BFAR: variants seen among roughly 807,000 people sequenced by gnomAD.
The protein encoded by BFAR is RING finger protein 47.
BFAR carries 52 observed loss-of-function variants against 54.4 expected under a neutral mutation model. The observed-to-expected ratio is 0.96, with a 90% confidence interval of 0.77 to 1.21. BFAR has a LOEUF of 1.21. Among genes scored for constraint, BFAR ranks in the 50% most tolerant of loss-of-function variants. BFAR has a pLI of 0.00. For missense variants in BFAR, 571 were observed against 534.0 expected (o/e 1.07, Z -0.68); for synonymous variants, 215 against 204.3 (o/e 1.05, Z -0.45).
At chr16:14,648,286 T>C in intron 2 of BFAR, 102 bp from the exon 3 acceptor site, 1 of 848,952 alleles carries the variant, frequency 1.2e-6, no homozygotes, top group Non-Finnish European at 1.9e-6. Context: ...TCTCCTAGGG[T>C]AGCTATATAT....
chr16:14,661,019 C>G (rs1040188802), intron 5 of BFAR, among the ~76,000 whole-genome samples: 3 of 152,168 alleles, frequency 2.0e-5, no homozygotes, highest in African/African-American at 7.2e-5. Context: ...CGTGAGCCAC[C>G]ACGCTTACCC....
chr16:14,646,476 C>G (rs1959799460), intron 2 of BFAR, among the ~76,000 whole-genome samples: 1 of 151,928 alleles, frequency 6.6e-6, no homozygotes, highest in African/African-American at 2.4e-5. Context: ...GCGTGAGCCA[C>G]TGTGCCTGGC....
At chr16:14,666,886 G>A (rs1960456399) in intron 7 of BFAR, among the ~76,000 whole-genome samples, 1 of 152,102 alleles carries the variant, frequency 6.6e-6, no homozygotes, top group South Asian at 2.1e-4. Flanking sequence ...ATAGTGTGAG[G>A]CCCTACAGCC....
chr16:14,637,233 G>C (rs1959476434), intron 1 of BFAR, among the ~76,000 whole-genome samples: 1 of 151,830 alleles, frequency 6.6e-6, no homozygotes, highest in Non-Finnish European at 1.5e-5. Flanking sequence ...TCTCAGCTGT[G>C]CAGTAGCATC....
At chr16:14,644,119 C>A (rs544719197) in intron 1 of BFAR, among the ~76,000 whole-genome samples, 155 bp from the exon 2 acceptor site, 1 of 149,690 alleles carries the variant, frequency 6.7e-6, no homozygotes, top group Non-Finnish European at 1.5e-5. Flanking sequence ...GCTGAGATCA[C>A]GCCACTGCAC....
chr16:14,654,920 T>C, intron 4 of BFAR, 146 bp from the exon 5 acceptor site: 2 of 811,208 alleles, frequency 2.5e-6, no homozygotes, highest in South Asian at 2.9e-5. Context: ...CATTCAATTA[T>C]TTGCTGCTCT....
At chr16:14,654,087 C>G (rs1960052138) in intron 4 of BFAR, among the ~76,000 whole-genome samples, 1 of 147,722 alleles carries the variant, frequency 6.8e-6, no homozygotes, top group Non-Finnish European at 1.5e-5. Flanking sequence ...TCTCGGCTCA[C>G]TGCAAGCTCC....
chr16:14,644,446 T>G lies in BFAR; in HGVS notation c.100T>G (p.Cys34Gly). The change falls in exon 2 of 8, where the codon TGC (cysteine) becomes GGC (glycine). Residue 34 changes from cysteine (C) to glycine (G), a missense_variant. Cys to Gly is a radical substitution (Grantham distance 159). Coordinates refer to ENST00000261658, the MANE Select transcript of BFAR (RefSeq NM_016561.3). ...GPQISVSEFS[C>G]HCCYDILVNP... ...TCAGATTTCTGTTAGTGAATTTTCT[T>G]GCCACTGCTGCTACGACATCCTGGT... 6.2e-7 allele frequency: 1 copy of G among 1,614,066 alleles called. No individual in the cohort carries two copies. Among genetic ancestry groups the G allele is most frequent in the Non-Finnish European group, 8.5e-7 (1 of 1,179,990 alleles).
chr16:14,660,871 A>G (rs897732547), intron 5 of BFAR, among the ~76,000 whole-genome samples: 5 of 151,856 alleles, frequency 3.3e-5, no homozygotes, highest in Non-Finnish European at 7.4e-5. Context: ...ATTGCACTCC[A>G]GCCTGGGCGA....
intron 2 of BFAR, among the ~76,000 whole-genome samples, 188 bp from the exon 3 acceptor site, chr16:14,648,200 T>C (rs1959857841): frequency 6.6e-6 from 1 of 152,156 alleles, no homozygotes; most frequent in Admixed American, 6.6e-5. Context: ...AAGGAGAAAG[T>C]AATGGTAAAC....
rs944667371 is a variant in BFAR, at chr16:14,666,566, C to A, written c.1161-1069C>A. On this transcript the variant is annotated intron_variant, in intron 7 of 7. Transcript: ENST00000261658. ...CACCCTGGGCGACAAAACGAGAGTC[C>A]ATCTCAAAAAACCCCCAAAAACTTA... Among the ~76,000 whole-genome samples the A allele has an allele frequency of 2.0e-5, 3 of 152,044 alleles. No individual in the cohort carries two copies. In the South Asian group the frequency reaches 6.2e-4, roughly 32 times the overall value.
intron 4 of BFAR, among the ~76,000 whole-genome samples, 185 bp from the exon 5 acceptor site, chr16:14,654,881 T>C (rs1432819510): frequency 6.6e-6 from 1 of 152,224 alleles, no homozygotes; most frequent in Non-Finnish European, 1.5e-5. Flanking sequence ...TATGAAAGTA[T>C]TTATAGATTG....
intron 4 of BFAR, among the ~76,000 whole-genome samples, chr16:14,653,526 A>G (rs1015051419): frequency 5.9e-5 from 9 of 152,044 alleles, no homozygotes; most frequent in Non-Finnish European, 1.2e-4. Flanking sequence ...AGGTTTCACC[A>G]CGTTGGCCAG....
chr16:14,633,891 G>C (rs968017339), intron 1 of BFAR, among the ~76,000 whole-genome samples: 1 of 152,190 alleles, frequency 6.6e-6, no homozygotes, highest in Non-Finnish European at 1.5e-5. Flanking sequence ...GGCCTCAAGT[G>C]ACCCACTCGC....
At chr16:14,650,156 T>C in intron 4 of BFAR, 183 bp downstream of exon 4, 1 of 501,088 alleles carries the variant, frequency 2.0e-6, no homozygotes, top group Non-Finnish European at 3.2e-6. Context: ...ACCCCATCTC[T>C]ACTAAAAATA....
intron 5 of BFAR, among the ~76,000 whole-genome samples, chr16:14,656,603 G>A (rs1184033848): frequency 2.0e-5 from 3 of 151,990 alleles, no homozygotes; most frequent in Non-Finnish European, 4.4e-5. Flanking sequence ...GTTTCCTCCT[G>A]GGTAAATAAC....
At chr16:14,647,313 GACC>G (rs1959828572) in intron 2 of BFAR, among the ~76,000 whole-genome samples, 2 of 151,898 alleles carry the variant, frequency 1.3e-5, no homozygotes, top group African/African-American at 4.8e-5. Context: ...TGGAACTCCT[GACC>G]TTAAGTGATC....
At chr16:14,633,393 C>A (rs970810920) in intron 1 of BFAR, 1 of 152,564 alleles carries the variant, frequency 6.6e-6, no homozygotes, top group African/African-American at 2.4e-5. Context: ...GCCTGCCCGC[C>A]AGGAGCGCTT....
At chr16:14,665,923 A>T (rs921148476) in intron 7 of BFAR, among the ~76,000 whole-genome samples, 2 of 152,148 alleles carry the variant, frequency 1.3e-5, no homozygotes, top group African/African-American at 4.8e-5. Context: ...CAACTAGGAT[A>T]ATAATAACTT....
Sources: allele counts gnomAD v4.1 joint callset (sites outside exome capture counted in the v4.1 genomes callset), GRCh38; gene constraint gnomAD v4.1.1; transcripts MANE v1.5; gene names NCBI Gene and HGNC (gene_info 2026-07-23, HGNC 2026-07-21).